CLUL1: variants seen among roughly 807,000 people sequenced by gnomAD.
CLUL1 encodes the protein clusterin-like protein 1.
A neutral mutation model predicts 49.4 loss-of-function variants in CLUL1; 43 were observed. That is an observed-to-expected ratio of 0.87 (90% CI 0.68 to 1.12). The LOEUF (loss-of-function observed/expected upper bound fraction) is 1.12. Ranked by LOEUF, CLUL1 falls within the 50% of genes most tolerant of loss-of-function variation. CLUL1 has a pLI of 0.00. For synonymous variants in CLUL1, 192 were observed against 184.9 expected (o/e 1.04, Z -0.31); for missense variants, 486 against 544.4 (o/e 0.89, Z 1.07).
At chr18:617,368 G>A (rs919185498) in intron 2 of CLUL1, among the ~76,000 whole-genome samples, 13 of 152,110 alleles carry the variant, frequency 8.5e-5, no homozygotes, top group Non-Finnish European at 1.8e-4. Flanking sequence ...GCCGAGGGGG[G>A]CGGATCACCT....
intron 9 of CLUL1, 52 bp from the exon 10 acceptor site, chr18:649,846 T>C: frequency 8.7e-7 from 1 of 1,148,578 alleles, no homozygotes. Flanking sequence ...ACTGAGTCTG[T>C]GAGTAATTTA....
At chr18:623,989 C>T (rs1312298325) in intron 4 of CLUL1, among the ~76,000 whole-genome samples, 2 of 152,288 alleles carry the variant, frequency 1.3e-5, no homozygotes, top group East Asian at 1.9e-4. Context: ...CACGATATCT[C>T]GGCATGGAGG....
At chr18:630,182 C>G (rs2144095810) in intron 6 of CLUL1, among the ~76,000 whole-genome samples, 1 of 152,278 alleles carries the variant, frequency 6.6e-6, no homozygotes, top group South Asian at 2.1e-4. Flanking sequence ...GATCTTGGCT[C>G]ACTGCAACCT....
chr18:646,740 C>A (rs1211184769), intron 9 of CLUL1, among the ~76,000 whole-genome samples: 3 of 151,468 alleles, frequency 2.0e-5, no homozygotes, highest in Non-Finnish European at 2.9e-5. Context: ...CCCTTTCTTT[C>A]CTTTTTTCTT....
intron 4 of CLUL1, 91 bp downstream of exon 4, chr18:619,452 CT>C (rs2073419847): frequency 8.3e-7 from 1 of 1,205,264 alleles, no homozygotes; most frequent in Non-Finnish European, 1.1e-6. Flanking sequence ...ACTTATTTTC[CT>C]TAGTAATAAA....
chr18:616,705 A>G lies in CLUL1; in HGVS notation c.-13-1283A>G, dbSNP rs1216306998. On this transcript the variant is annotated intron_variant, in intron 2 of 9. Transcript: ENST00000692774. Reference sequence around the variant, plus strand: ...ACGGATGAAAATTAAAGCAGAGAAAAACGAAGGTCCTTCCAGAAGCTGGTG... The same window carrying G: ...ACGGATGAAAATTAAAGCAGAGAAAGACGAAGGTCCTTCCAGAAGCTGGTG... The G allele has an allele frequency of 4.1e-6, 4 of 983,628 alleles. No individual in the cohort carries two copies. In the African/African-American group the frequency reaches 7.0e-5, roughly 17 times the overall value. The allele number at this position is 983,628 out of a possible 1,614,324, so 60.9% of individuals were successfully genotyped here. A position where few individuals can be genotyped will look rare whatever the true frequency, so the allele number is the denominator to read the frequency against.
chr18:634,413 T>C (rs1353930422), intron 7 of CLUL1, among the ~76,000 whole-genome samples: 1 of 152,172 alleles, frequency 6.6e-6, no homozygotes, highest in East Asian at 1.9e-4. Flanking sequence ...ATTACAGGCA[T>C]GAACCACCGT....
Position 618,164 on chromosome 18 carries a change from C to T in CLUL1, c.106+58C>T, listed in dbSNP as rs2073364760. ...GTTTGCATGTTGGTTGTCCTGCTGG[C>T]GTTTATAGTGAGTCGCAGTTGAGAG... On this transcript the variant is annotated intron_variant, in intron 3 of 9. Transcript: ENST00000692774. This position sits in a 1 kb window ranked among gnomAD's most constrained non-coding sequence, Gnocchi z 4.2. 2.3e-6 allele frequency: 3 copies of T among 1,286,280 alleles called. No homozygotes were observed. Among genetic ancestry groups the T allele is most frequent in the Non-Finnish European group, 3.4e-6 (3 of 886,076 alleles). The allele number at this position is 1,286,280 out of a possible 1,614,324, so 79.7% of individuals were successfully genotyped here.
Position 606,982 on chromosome 18 carries a change from G to T in CLUL1, c.-131G>T. On this transcript the variant is annotated 5_prime_UTR_variant, in exon 2 of 10. Transcript: ENST00000692774. The surrounding 1 kb of genome is among the most constrained non-coding windows in gnomAD (Gnocchi z 4.1). Reference sequence around the variant, plus strand: ...TTTTTCTTTTCTTTTCTTTAGAGTTGCGTCCCTCTCGGTTGCCAGGCTGGA... The same window carrying T: ...TTTTTCTTTTCTTTTCTTTAGAGTTTCGTCCCTCTCGGTTGCCAGGCTGGA... 1.6e-6 allele frequency: 1 copy of T among 641,860 alleles called. No homozygotes were observed. The highest frequency in any genetic ancestry group is 1.7e-5 in the South Asian group (1 of 58,126). The allele number at this position is 641,860 out of a possible 1,614,324, so 39.8% of individuals were successfully genotyped here.
Position 624,916 on chromosome 18 carries a change from A to C in CLUL1, c.307A>C (p.Arg103=). Residue 103 remains arginine (R), a synonymous_variant, in exon 5 of 10, where the codon AGG becomes CGG. Coordinates refer to ENST00000692774, the MANE Select transcript of CLUL1 (RefSeq NM_001393344.1). The stretch of plus-strand genomic sequence containing the variant: ...TCAAGAACATCTGGAGGAAGAAGAA[A>C]GGCTATGCCGGGAGTCTTTGGCAGA... ...EVQEHLEEEE[R]LCRESLADSW... 1 of 1,614,196 alleles carries C rather than the reference A, an allele frequency of 6.2e-7. No homozygotes were observed. The highest frequency in any genetic ancestry group is 1.1e-5 in the South Asian group (1 of 91,082).
At chr18:635,407 C>G (rs564273751) in intron 7 of CLUL1, among the ~76,000 whole-genome samples, 1 of 152,088 alleles carries the variant, frequency 6.6e-6, no homozygotes, top group Non-Finnish European at 1.5e-5. Context: ...GCTCACCTGC[C>G]GCTCACCTCC....
At chr18:624,390 T>G (rs547417) in intron 4 of CLUL1, among the ~76,000 whole-genome samples, 18,700 of 152,216 alleles carry the variant, frequency 0.12, 1,415 homozygotes, top group East Asian at 0.29. Context: ...AATTGTACTT[T>G]CTTGCAATGT....
chr18:645,810 A>ATATATAT (rs1555636568), intron 9 of CLUL1, among the ~76,000 whole-genome samples: 5 of 29,870 alleles, frequency 1.7e-4, no homozygotes, highest in Non-Finnish European at 2.9e-4. Flanking sequence ...AAAAAAAAAA[A>ATATATAT]ATATATATAT....
chr18:637,268 G>C (rs1598440098), intron 7 of CLUL1, among the ~76,000 whole-genome samples: 1 of 152,126 alleles, frequency 6.6e-6, no homozygotes, highest in South Asian at 2.1e-4. Context: ...TTACAGGCTT[G>C]AGCCACCATC....
intron 6 of CLUL1, among the ~76,000 whole-genome samples, chr18:631,132 G>A (rs1174680621): frequency 6.6e-6 from 1 of 152,086 alleles, no homozygotes; most frequent in Non-Finnish European, 1.5e-5. Context: ...TGAACACCAG[G>A]AAAAGGAGAG....
In CLUL1 at chr18:606,956, T is replaced by A; in HGVS notation, c.-135-22T>A. The A allele has an allele frequency of 1.6e-6, 1 of 611,632 alleles. No individual in the cohort carries two copies. Among genetic ancestry groups the A allele is most frequent in the Non-Finnish European group, 2.9e-6 (1 of 344,056 alleles). 37.9% of individuals were successfully genotyped at this position (611,632 alleles called of 1,614,324 possible). On this transcript the variant is annotated intron_variant, in intron 1 of 9. Coordinates refer to ENST00000692774, the MANE Select transcript of CLUL1 (RefSeq NM_001393344.1). The surrounding 1 kb of genome is among the most constrained non-coding windows in gnomAD (Gnocchi z 4.1). ...AGGCGGCTCCCTAAAATTTCTTTTC[T>A]TTTTTCTTTTCTTTTCTTTAGAGTT...
chr18:637,931 G>A (rs2074200847), intron 7 of CLUL1, among the ~76,000 whole-genome samples: 1 of 151,966 alleles, frequency 6.6e-6, no homozygotes, highest in Non-Finnish European at 1.5e-5. Context: ...CTGAGATCAA[G>A]CCTCCAGCCT....
At chr18:624,597 G>A (rs1013011255) in intron 4 of CLUL1, among the ~76,000 whole-genome samples, 1 of 152,180 alleles carries the variant, frequency 6.6e-6, no homozygotes, top group East Asian at 1.9e-4. Context: ...CTAGAGTAAT[G>A]TCTGTCACAT....
chr18:621,360 C>T (rs1359275471), intron 4 of CLUL1, among the ~76,000 whole-genome samples: 1 of 152,158 alleles, frequency 6.6e-6, no homozygotes, highest in East Asian at 1.9e-4. Flanking sequence ...AGGCTGACCC[C>T]AAAGCTGTGT....
Sources: allele counts gnomAD v4.1 joint callset (sites outside exome capture counted in the v4.1 genomes callset), GRCh38; gene constraint gnomAD v4.1.1; non-coding constraint Gnocchi (gnomAD v3.1); transcripts MANE v1.5; gene names NCBI Gene and HGNC (gene_info 2026-07-23, HGNC 2026-07-21).